Variants in SETBP1 observed in about 807,000 individuals in gnomAD.
The protein encoded by SETBP1 is SET binding protein 1, also known as SET-binding protein.
Under a neutral mutation model 101.0 loss-of-function variants are expected in SETBP1, and 9 were observed. That is an observed-to-expected ratio of 0.09 (90% CI 0.05 to 0.16). The LOEUF is 0.16. Ranked by LOEUF, SETBP1 falls within the 10% of genes least tolerant of loss-of-function variation. The pLI is 1.00. For synonymous variants in SETBP1, 818 were observed against 788.5 expected, an observed-to-expected ratio of 1.04 and a Z score of -0.63; for missense variants, 1,858 against 2,033.8, an observed-to-expected ratio of 0.91 and a Z score of 1.66.
At chr18:44,999,672 A>G (rs1173856036) in intron 4 of SETBP1, among the ~76,000 whole-genome samples, 1 of 152,224 alleles carries the variant, frequency 6.6e-6, no homozygotes, top group African/African-American at 2.4e-5. Flanking sequence ...AAAGTAATAG[A>G]TATCATGTTG....
intron 4 of SETBP1, among the ~76,000 whole-genome samples, chr18:44,977,957 G>A (rs1054776302): frequency 6.6e-6 from 1 of 152,110 alleles, no homozygotes; most frequent in Non-Finnish European, 1.5e-5. Context: ...TCAGCGGCAT[G>A]GTGCATTTTT....
chr18:44,856,402 T>G (rs1166896849), intron 2 of SETBP1, among the ~76,000 whole-genome samples: 1 of 152,190 alleles, frequency 6.6e-6, no homozygotes, highest in Non-Finnish European at 1.5e-5. Flanking sequence ...TGCCCGATTT[T>G]TTGCCTCATT....
At chr18:44,703,348 G>GTTTTTTTTTTTTTT (rs531974601) in intron 2 of SETBP1, among the ~76,000 whole-genome samples, 13 of 51,444 alleles carry the variant, frequency 2.5e-4, no homozygotes, top group East Asian at 1.4e-3. Context: ...TTACCATTAG[G>GTTTTTTTTTTTTTT]TTTTTTTTTT....
chr18:44,992,864 T>C (rs2072408671), intron 4 of SETBP1, among the ~76,000 whole-genome samples: 1 of 151,936 alleles, frequency 6.6e-6, no homozygotes, highest in African/African-American at 2.4e-5. Context: ...AAAAAAGAAA[T>C]AATAGTGGGC....
At chr18:45,038,338 T>C (rs2073440459) in intron 4 of SETBP1, 147 bp from the exon 5 acceptor site, 1 of 810,642 alleles carries the variant, frequency 1.2e-6, no homozygotes, top group Non-Finnish European at 2.0e-6. Context: ...TTTTTTCTCT[T>C]TTAGCATTTT....
chr18:44,814,733 G>A (rs191828740), intron 2 of SETBP1, among the ~76,000 whole-genome samples: 2 of 152,296 alleles, frequency 1.3e-5, no homozygotes, highest in East Asian at 1.9e-4. Context: ...CTCTGATGTC[G>A]GGCAGTGCAC....
chr18:44,863,845 C>A (rs1206198796), intron 2 of SETBP1, among the ~76,000 whole-genome samples: 1 of 152,168 alleles, frequency 6.6e-6, no homozygotes, highest in Non-Finnish European at 1.5e-5. Flanking sequence ...AGGAGATAAT[C>A]TGGGAAGAGC....
At chr18:44,868,710 GGGAGGAAGGAAGGA>G (rs1568190537) in intron 2 of SETBP1, among the ~76,000 whole-genome samples, 8 of 6,844 alleles carry the variant, frequency 1.2e-3, no homozygotes, top group Non-Finnish European at 1.9e-3. Context: ...ACGGAAGGAA[GGGAGGAAGGAAGGA>G]AGGAAGGAAG....
intron 3 of SETBP1, among the ~76,000 whole-genome samples, chr18:44,874,785 C>T (rs1224950774): frequency 1.3e-5 from 2 of 152,204 alleles, no homozygotes; most frequent in African/African-American, 2.4e-5. Flanking sequence ...GAGGACACAA[C>T]CATCTGCAGA....
chr18:44,934,671 CTT>C (rs2070919656), intron 3 of SETBP1, among the ~76,000 whole-genome samples: 1 of 152,150 alleles, frequency 6.6e-6, no homozygotes, highest in South Asian at 2.1e-4. Context: ...TTGACCTCAT[CTT>C]AAGGGTAACT....
intron 2 of SETBP1, among the ~76,000 whole-genome samples, chr18:44,786,694 A>T (rs975036425): frequency 1.3e-5 from 2 of 152,162 alleles, no homozygotes; most frequent in African/African-American, 4.8e-5. Flanking sequence ...GACAGAAAGA[A>T]ACATTTTTGG....
chr18:44,861,219 T>TTTTTC (rs1568185951), intron 2 of SETBP1, among the ~76,000 whole-genome samples: 4 of 145,114 alleles, frequency 2.8e-5, no homozygotes, highest in Non-Finnish European at 4.5e-5. Flanking sequence ...GTGGATTTCC[T>TTTTTC]TTTTCTTTTC....
intron 3 of SETBP1, among the ~76,000 whole-genome samples, chr18:44,908,833 C>T (rs1180225791): frequency 1.3e-5 from 2 of 152,136 alleles, no homozygotes; most frequent in African/African-American, 4.8e-5. Flanking sequence ...GTGAAGCCCC[C>T]CAAAATATAA....
chr18:44,814,340 T>C (rs1211764146), intron 2 of SETBP1, among the ~76,000 whole-genome samples: 1 of 152,200 alleles, frequency 6.6e-6, no homozygotes, highest in Non-Finnish European at 1.5e-5. Flanking sequence ...AGGAGGAGTT[T>C]TGGCCCAAAG....
intron 2 of SETBP1, among the ~76,000 whole-genome samples, chr18:44,754,012 CT>C (rs1419778159): frequency 3.9e-5 from 6 of 152,212 alleles, no homozygotes; most frequent in Admixed American, 3.3e-4. Context: ...TAATATTGCA[CT>C]GTAATACTCT....
At chr18:44,932,925 G>T (rs770757568) in intron 3 of SETBP1, among the ~76,000 whole-genome samples, 1 of 152,158 alleles carries the variant, frequency 6.6e-6, no homozygotes, top group African/African-American at 2.4e-5. Flanking sequence ...TGTTATTACC[G>T]ATCATTTGAA....
At chr18:44,784,756 G>A (rs952880674) in intron 2 of SETBP1, among the ~76,000 whole-genome samples, 1 of 152,186 alleles carries the variant, frequency 6.6e-6, no homozygotes, top group Admixed American at 6.5e-5. Flanking sequence ...AACATCTTAT[G>A]AGAAATTTAA....
At chr18:44,807,086 G>A (rs895019740) in intron 2 of SETBP1, among the ~76,000 whole-genome samples, 11 of 152,090 alleles carry the variant, frequency 7.2e-5, no homozygotes, top group African/African-American at 2.4e-4. Flanking sequence ...GTAAGCTCTG[G>A]AAGGTAACAG....
At chr18:44,877,238 C>A in intron 3 of SETBP1, 2 of 662,384 alleles carry the variant, frequency 3.0e-6, no homozygotes, top group Non-Finnish European at 3.7e-6. Context: ...TTGTGATATC[C>A]AAGCATGTGA....
Sources: gnomAD v4.1 joint callset for allele counts (sites outside exome capture counted in the v4.1 genomes callset) on GRCh38, gnomAD v4.1.1 for gene constraint, MANE v1.5 for transcripts, NCBI Gene and HGNC (gene_info 2026-07-23, HGNC 2026-07-21) for gene names.